XPO4: variants seen among roughly 807,000 people sequenced by gnomAD.
XPO4 encodes exportin-4.
Under a neutral mutation model 143.0 loss-of-function variants are expected in XPO4, and 39 were observed. That is an observed-to-expected ratio of 0.27 (90% CI 0.21 to 0.36). The LOEUF (loss-of-function observed/expected upper bound fraction) is 0.36. XPO4 is among the 10% of genes least tolerant of loss of function. XPO4 has a pLI of 1.00. For missense variants in XPO4, 907 were observed against 1,348.0 expected (o/e 0.67, Z 5.12); for synonymous variants, 439 against 474.0 (o/e 0.93, Z 0.96).
At chr13:20,814,758 C>G (rs1015443793) in intron 9 of XPO4, among the ~76,000 whole-genome samples, 1 of 152,200 alleles carries the variant, frequency 6.6e-6, no homozygotes, top group East Asian at 1.9e-4. Context: ...GGGCTTAGAG[C>G]TTACGAGACT....
intron 1 of XPO4, among the ~76,000 whole-genome samples, chr13:20,870,089 C>CAAAAAAAAAAAAAAAAAAAAAAAA (rs59710121): frequency 7.1e-5 from 7 of 98,904 alleles, no homozygotes; most frequent in African/African-American, 3.1e-4. Flanking sequence ...GAAGGAGTCT[C>CAAAAAAAAAAAAAAAAAAAAAAAA]AAAAAAAAAA....
intron 1 of XPO4, among the ~76,000 whole-genome samples, chr13:20,874,344 T>C (rs990006669): frequency 9.2e-5 from 14 of 152,218 alleles, no homozygotes; most frequent in Non-Finnish European, 1.9e-4. Context: ...ATTTAAGGAT[T>C]TCTTAGGTTT....
At chr13:20,788,349 G>T in intron 20 of XPO4, 137 bp downstream of exon 20, 1 of 1,190,710 alleles carries the variant, frequency 8.4e-7, no homozygotes, top group Non-Finnish European at 1.1e-6. Flanking sequence ...GAGCCACCGT[G>T]CCTGGCCCAG....
intron 4 of XPO4, among the ~76,000 whole-genome samples, chr13:20,845,884 A>C (rs1286170738): frequency 6.6e-6 from 1 of 152,168 alleles, no homozygotes; most frequent in Non-Finnish European, 1.5e-5. Flanking sequence ...GGATCCTGAA[A>C]ACAATTTTTC....
intron 1 of XPO4, among the ~76,000 whole-genome samples, chr13:20,883,849 C>A (rs1188905981): frequency 6.6e-6 from 1 of 152,180 alleles, no homozygotes; most frequent in African/African-American, 2.4e-5. Context: ...CTCACCGCAA[C>A]CTCCGCCTCC....
At chr13:20,880,382 A>G (rs2060396185) in intron 1 of XPO4, among the ~76,000 whole-genome samples, 1 of 152,136 alleles carries the variant, frequency 6.6e-6, no homozygotes, top group Non-Finnish European at 1.5e-5. Flanking sequence ...CGGTGAGCCT[A>G]GATCGCGCCA....
intron 2 of XPO4, among the ~76,000 whole-genome samples, chr13:20,867,715 T>C (rs1223889575): frequency 1.3e-5 from 2 of 149,490 alleles, no homozygotes; most frequent in Admixed American, 1.3e-4. Context: ...AACCAGCCTA[T>C]TGGTAGCTAT....
chr13:20,888,358 T>C (rs2060480172), intron 1 of XPO4, among the ~76,000 whole-genome samples: 1 of 151,940 alleles, frequency 6.6e-6, no homozygotes, highest in Non-Finnish European at 1.5e-5. Flanking sequence ...GGGGGTTTTG[T>C]TTTGTTTGGG....
intron 1 of XPO4, among the ~76,000 whole-genome samples, chr13:20,872,134 A>G (rs2060304813): frequency 6.6e-6 from 1 of 152,180 alleles, no homozygotes; most frequent in Non-Finnish European, 1.5e-5. Context: ...ACAGGCTGGG[A>G]GTCAAAACCA....
Position 20,797,056 on chromosome 13 carries a change from A to T in XPO4, c.2324T>A (p.Val775Asp), listed in dbSNP as rs563277903. The change falls in exon 17 of 23, where the codon GTT (valine) becomes GAT (aspartate). Residue 775 changes from valine (V) to aspartate (D), a missense_variant and splice_region_variant. Coordinates refer to ENST00000255305, the MANE Select transcript of XPO4 (RefSeq NM_022459.5). ...GAATCGCTGCTGAAGTGGCTGAAGAACCTATAAAAATAAACCAGGAATTTT... is the reference window on the plus strand; with the variant it reads ...GAATCGCTGCTGAAGTGGCTGAAGATCCTATAAAAATAAACCAGGAATTTT... Reference protein sequence around the residue: ...TETKQQYWTEVLQPLQQRFLR... With the variant: ...TETKQQYWTEDLQPLQQRFLR... 1 of 1,570,046 alleles carries T rather than the reference A, an allele frequency of 6.4e-7. No individual in the cohort carries two copies. The highest frequency in any genetic ancestry group is 1.2e-5 in the South Asian group (1 of 84,142).
At chr13:20,786,541 T>A (rs1020027075) in intron 22 of XPO4, among the ~76,000 whole-genome samples, 7 of 152,122 alleles carry the variant, frequency 4.6e-5, no homozygotes, top group Admixed American at 2.6e-4. Context: ...TGAAATAATA[T>A]ACTGTTTTCT....
intron 1 of XPO4, among the ~76,000 whole-genome samples, chr13:20,896,823 A>T (rs1054959115): frequency 1.3e-5 from 2 of 152,228 alleles, no homozygotes; most frequent in African/African-American, 4.8e-5. Flanking sequence ...ACATGGTTTC[A>T]GATAACTATT....
rs2137948054 is a variant in XPO4, at chr13:20,819,717, T to G, written c.1173+1987A>C. Among the ~76,000 whole-genome samples the G allele has an allele frequency of 2.0e-5, 3 of 152,316 alleles. No individual in the cohort carries two copies. The South Asian group carries it at 6.2e-4, about 32-fold the overall frequency. Reference sequence around the variant, plus strand: ...TCCATCTCAGGACAACTACGTATTATGTACTATTACTACAATTACTGGGTG... The same window carrying G: ...TCCATCTCAGGACAACTACGTATTAGGTACTATTACTACAATTACTGGGTG... On this transcript the variant is annotated intron_variant, in intron 9 of 22. Transcript: ENST00000255305.
intron 4 of XPO4, among the ~76,000 whole-genome samples, 163 bp downstream of exon 4, chr13:20,855,461 GAAA>G (rs66665772): frequency 8.2e-6 from 1 of 122,592 alleles, no homozygotes. Flanking sequence ...TGTCACAAGG[GAAA>G]AAAAAAAAAA....
intron 18 of XPO4, among the ~76,000 whole-genome samples, chr13:20,794,435 A>G (rs1327474339): frequency 3.3e-5 from 5 of 152,216 alleles, no homozygotes; most frequent in Non-Finnish European, 4.4e-5. Context: ...CTAAACATAT[A>G]CATGTTTTAG....
chr13:20,827,251 A>G, intron 6 of XPO4, 72 bp from the exon 7 acceptor site: 1 of 1,077,322 alleles, frequency 9.3e-7, no homozygotes, highest in Admixed American at 1.8e-5. Flanking sequence ...CCTAAATATA[A>G]CAGGAGCCAT....
rs1025686015 is a variant in XPO4 at position 20,879,289 on chromosome 13, AGGAGGG to A, written c.70-10594_70-10589del. The A allele has an allele frequency of 4.1e-5, 40 of 985,410 alleles. No homozygotes were observed. In the African/African-American group the frequency reaches 6.1e-4, roughly 15 times the overall value. The allele number at this position is 985,410 out of a possible 1,614,324, so 61.0% of individuals were successfully genotyped here. On this transcript the variant is annotated intron_variant, in intron 1 of 22. Coordinates refer to ENST00000255305, the MANE Select transcript of XPO4 (RefSeq NM_022459.5). Reference sequence around the variant, plus strand: ...TAAAAAACAAACAAAACAAACCGGAAGGAGGGGGACCAGGGAAGAGAAAAAGAAGGG... The same window carrying A: ...TAAAAAACAAACAAAACAAACCGGAAGGACCAGGGAAGAGAAAAAGAAGGG...
intron 9 of XPO4, among the ~76,000 whole-genome samples, chr13:20,820,384 C>G (rs1333972360): frequency 3.3e-5 from 5 of 152,184 alleles, no homozygotes; most frequent in Non-Finnish European, 7.3e-5. Context: ...ACGCTTAACT[C>G]ACAAACAGAA....
intron 4 of XPO4, chr13:20,848,941 T>C: frequency 1.0e-6 from 1 of 985,414 alleles, no homozygotes; most frequent in South Asian, 4.7e-5. Context: ...TGGCTAACAA[T>C]TTAAGTAACT....
Sources: gnomAD v4.1 joint callset for allele counts (sites outside exome capture counted in the v4.1 genomes callset) on GRCh38, gnomAD v4.1.1 for gene constraint, MANE v1.5 for transcripts, NCBI Gene and HGNC (gene_info 2026-07-23, HGNC 2026-07-21) for gene names.